The following FGF1 variants were observed in gnomAD, a reference collection of about 807,000 sequenced individuals.
The protein encoded by FGF1 is fibroblast growth factor 1.
FGF1 carries 9 observed loss-of-function variants against 13.4 expected under a neutral mutation model. The observed-to-expected ratio is 0.67, with a 90% CI of 0.40 to 1.17. The LOEUF is 1.17. FGF1 is among the 50% of genes most tolerant of loss of function. The pLI, the probability that FGF1 is intolerant of heterozygous loss-of-function variation, is 0.01. For missense variants in FGF1, 156 were observed against 192.7 expected, an observed-to-expected ratio of 0.81 and a Z score of 1.13; for synonymous variants, 93 against 79.0, an observed-to-expected ratio of 1.18 and a Z score of -0.94.
intron 1 of FGF1, among the ~76,000 whole-genome samples, chr5:142,683,689 C>T (rs572655628): frequency 3.6e-4 from 55 of 151,828 alleles, no homozygotes; most frequent in African/African-American, 8.9e-4. Flanking sequence ...GGCATGGTGC[C>T]GCACACCTGT....
chr5:142,670,133 A>G (rs1470263301), intron 1 of FGF1, among the ~76,000 whole-genome samples: 1 of 152,206 alleles, frequency 6.6e-6, no homozygotes, highest in Non-Finnish European at 1.5e-5. Context: ...AAAGATCTGC[A>G]TGTGCCAACC....
chr5:142,612,128 C>T (rs1287872993), intron 2 of FGF1, among the ~76,000 whole-genome samples: 1 of 152,216 alleles, frequency 6.6e-6, no homozygotes, highest in East Asian at 1.9e-4. Flanking sequence ...ATGCAGAAAT[C>T]CTCACCTGCA....
At chr5:142,678,528 G>A (rs997336313) in intron 1 of FGF1, among the ~76,000 whole-genome samples, 3 of 152,052 alleles carry the variant, frequency 2.0e-5, no homozygotes, top group Non-Finnish European at 4.4e-5. Context: ...ATTGGGCTTC[G>A]GGTACTCTGC....
At chr5:142,616,782 C>G (rs1760343068) in intron 1 of FGF1, among the ~76,000 whole-genome samples, 1 of 152,194 alleles carries the variant, frequency 6.6e-6, no homozygotes, top group African/African-American at 2.4e-5. Flanking sequence ...ATATCTTTAT[C>G]CCTCACCTCT....
At chr5:142,652,469 T>A (rs948760613) in intron 1 of FGF1, among the ~76,000 whole-genome samples, 7 of 152,154 alleles carry the variant, frequency 4.6e-5, no homozygotes, top group African/African-American at 1.7e-4. Context: ...ATTCATTACT[T>A]ACTAGGCCCT....
At chr5:142,633,143 T>C (rs1208225301) in intron 1 of FGF1, among the ~76,000 whole-genome samples, 1 of 152,090 alleles carries the variant, frequency 6.6e-6, no homozygotes, top group East Asian at 1.9e-4. Flanking sequence ...AAGGTCTCAA[T>C]CTCTTGACCT....
intron 1 of FGF1, among the ~76,000 whole-genome samples, chr5:142,646,697 T>A (rs1766214925): frequency 6.6e-6 from 1 of 152,104 alleles, no homozygotes; most frequent in Non-Finnish European, 1.5e-5. Context: ...TTTCACCATC[T>A]TGGCCTGGCT....
intron 1 of FGF1, among the ~76,000 whole-genome samples, chr5:142,629,564 C>T (rs1379487876): frequency 1.3e-5 from 2 of 152,136 alleles, no homozygotes; most frequent in Non-Finnish European, 2.9e-5. Context: ...TCCTGACTTC[C>T]TTGTCCTCTA....
rs946114242 is a variant in FGF1 at position 142,593,634 on chromosome 5, C to T, written c.*1656G>A. 7 of 152,258 alleles carry T rather than the reference C, an allele frequency of 4.6e-5. No homozygotes were observed. The highest frequency in any genetic ancestry group is 1.0e-4 in the Non-Finnish European group (7 of 68,036). The allele number at this position is 152,258 out of a possible 1,614,324, so 9.4% of individuals were successfully genotyped here. A position where few individuals can be genotyped will look rare whatever the true frequency, so the allele number is the denominator to read the frequency against. ...TTTCAAAAGAAAATTTGTAATAGCACAGTGGAAAACAAAAATCTCATTTTA... is the reference window on the plus strand; with the variant it reads ...TTTCAAAAGAAAATTTGTAATAGCATAGTGGAAAACAAAAATCTCATTTTA... On this transcript the variant is annotated 3_prime_UTR_variant, in exon 4 of 4. Coordinates refer to ENST00000337706, the MANE Select transcript of FGF1 (RefSeq NM_000800.5).
intron 1 of FGF1, among the ~76,000 whole-genome samples, chr5:142,663,538 A>ACTTCTTCACTATG (rs1769696826): frequency 6.6e-6 from 1 of 152,186 alleles, no homozygotes; most frequent in African/African-American, 2.4e-5. Flanking sequence ...CTTATTGGAA[A>ACTTCTTCACTATG]GATAGCCAAG....
Position 142,614,009 on chromosome 5 carries a change from A to G in FGF1, c.119T>C (p.Ile40Thr). The change falls in exon 2 of 4, where the codon ATC becomes ACC. Residue 40 changes from isoleucine to threonine, a missense_variant. By Grantham distance (89) the Ile-to-Thr change is moderately conservative. Transcript: ENST00000337706. ...YCSNGGHFLR[I>T]LPDGTVDGTR... ...CCCATCCACTGTGCCATCCGGAAGG[A>G]TCCTCAGGAAGTGGCCCCCGTTGCT... 6.2e-7 allele frequency: 1 copy of G among 1,614,000 alleles called. No homozygotes were observed. The highest frequency in any genetic ancestry group is 2.2e-5 in the East Asian group (1 of 44,864).
At chr5:142,646,229 T>C (rs1766067005) in intron 1 of FGF1, among the ~76,000 whole-genome samples, 1 of 139,714 alleles carries the variant, frequency 7.2e-6, no homozygotes, top group African/African-American at 2.7e-5. Context: ...TTTTTTTTTT[T>C]TTTTGGAGAC....
At chr5:142,606,744 G>A (rs1757783488) in intron 2 of FGF1, among the ~76,000 whole-genome samples, 1 of 152,186 alleles carries the variant, frequency 6.6e-6, no homozygotes, top group South Asian at 2.1e-4. Flanking sequence ...GGAAGGATAA[G>A]AGGAACTAAG....
intron 2 of FGF1, among the ~76,000 whole-genome samples, chr5:142,610,186 A>G (rs1758753770): frequency 6.6e-6 from 1 of 152,226 alleles, no homozygotes; most frequent in Non-Finnish European, 1.5e-5. Context: ...AATGCCTAGC[A>G]CATATCAGGG....
chr5:142,653,918 C>A (rs1208863412), intron 1 of FGF1, among the ~76,000 whole-genome samples: 1 of 152,094 alleles, frequency 6.6e-6, no homozygotes, highest in East Asian at 1.9e-4. Context: ...ATGGTGAAAC[C>A]TCATCTCTAC....
At chr5:142,637,319 T>A (rs1334353190) in intron 1 of FGF1, among the ~76,000 whole-genome samples, 1 of 79,526 alleles carries the variant, frequency 1.3e-5, no homozygotes, top group Non-Finnish European at 2.6e-5. Context: ...AACCACGGCG[T>A]TTTTGTTTTT....
chr5:142,642,708 G>A (rs976925392), intron 1 of FGF1, among the ~76,000 whole-genome samples: 1 of 152,240 alleles, frequency 6.6e-6, no homozygotes, highest in Non-Finnish European at 1.5e-5. Flanking sequence ...TGAAGGCCTT[G>A]CTGCACACCT....
chr5:142,631,051 T>C (rs761410085), intron 1 of FGF1, among the ~76,000 whole-genome samples: 3 of 152,186 alleles, frequency 2.0e-5, no homozygotes, highest in Non-Finnish European at 1.5e-5. Flanking sequence ...CAGATATTTA[T>C]TGAGTAAATG....
At chr5:142,674,572 C>T (rs1356208636) in intron 1 of FGF1, among the ~76,000 whole-genome samples, 1 of 152,144 alleles carries the variant, frequency 6.6e-6, no homozygotes, top group African/African-American at 2.4e-5. Context: ...TAATGAGAAA[C>T]ATGAGCCAGC....
Sources: gnomAD v4.1 joint callset for allele counts (sites outside exome capture counted in the v4.1 genomes callset) on GRCh38, gnomAD v4.1.1 for gene constraint, MANE v1.5 for transcripts, NCBI Gene and HGNC (gene_info 2026-07-23, HGNC 2026-07-21) for gene names.